CLNK: variants seen among roughly 807,000 people sequenced by gnomAD.
CLNK encodes the protein cytokine dependent hematopoietic cell linker.
Under a neutral mutation model 68.6 loss-of-function variants are expected in CLNK, and 74 were observed. The observed-to-expected ratio is 1.08, with a 90% confidence interval of 0.89 to 1.31. The LOEUF (loss-of-function observed/expected upper bound fraction) is 1.31, where lower values mean the gene tolerates loss of function less well. CLNK is among the 50% of genes most tolerant of loss of function. The pLI is 0.00. For missense variants in CLNK, 553 were observed against 515.3 expected (o/e 1.07, Z -0.71); for synonymous variants, 198 against 172.2 (o/e 1.15, Z -1.17).
At chr4:10,718,729 A>G in the CLNK span, among the ~76,000 whole-genome samples, 1 of 152,156 alleles carries the variant, frequency 6.6e-6, no homozygotes, top group Non-Finnish European at 1.5e-5. Flanking sequence ...AAAGAAAGAA[A>G]TAACACAGTA....
rs190012849 is a variant in CLNK, at chr4:10,598,078, G to T, written c.12-29C>A. ...GGATGAAAGAAAATAAATTATAGCT[G>T]GGAAATAGCAAGAAGCTAGGGGAAA... On this transcript the variant is annotated intron_variant, in intron 2 of 18. Transcript: ENST00000226951. 14 of 1,464,544 alleles carry T rather than the reference G, an allele frequency of 9.6e-6. No homozygotes were observed. The East Asian group carries it at 2.6e-4, about 27-fold the overall frequency. 90.7% of individuals were successfully genotyped at this position (1,464,544 alleles called of 1,614,324 possible).
At chr4:10,709,099 C>T in the CLNK span, among the ~76,000 whole-genome samples, 1 of 152,140 alleles carries the variant, frequency 6.6e-6, no homozygotes, top group African/African-American at 2.4e-5. Context: ...CTATGATTTG[C>T]AGATAGTGGT....
At chr4:10,505,987 T>G (rs929524709) in intron 17 of CLNK, among the ~76,000 whole-genome samples, 1 of 152,228 alleles carries the variant, frequency 6.6e-6, no homozygotes, top group Non-Finnish European at 1.5e-5. Context: ...ATTCACTAAC[T>G]AATTCATTCA....
At chr4:10,522,866 A>G (rs1718138170) in intron 14 of CLNK, among the ~76,000 whole-genome samples, 1 of 152,240 alleles carries the variant, frequency 6.6e-6, no homozygotes, top group African/African-American at 2.4e-5. Context: ...CTGTGGGAGA[A>G]AGATGAACCG....
chr4:10,710,759 C>T, the CLNK span, among the ~76,000 whole-genome samples: 1 of 152,184 alleles, frequency 6.6e-6, no homozygotes, highest in Non-Finnish European at 1.5e-5. Flanking sequence ...ACAGACATTA[C>T]CTGTTCATGC....
intron 2 of CLNK, among the ~76,000 whole-genome samples, chr4:10,633,335 T>C (rs537590124): frequency 3.9e-5 from 6 of 152,352 alleles, no homozygotes; most frequent in African/African-American, 9.6e-5. Flanking sequence ...GACAGCGTTA[T>C]TCTTTGTGCA....
At chr4:10,613,248 G>C (rs1257319613) in intron 2 of CLNK, among the ~76,000 whole-genome samples, 1 of 152,154 alleles carries the variant, frequency 6.6e-6, no homozygotes, top group Non-Finnish European at 1.5e-5. Flanking sequence ...TCAGAGTGCT[G>C]GGTGGGGTGG....
chr4:10,561,729 C>T (rs939914219), intron 7 of CLNK, among the ~76,000 whole-genome samples: 1 of 152,120 alleles, frequency 6.6e-6, no homozygotes, highest in African/African-American at 2.4e-5. Flanking sequence ...TGGGGGACTA[C>T]CCTAGATGCA....
chr4:10,514,190 A>T (rs947649065), intron 15 of CLNK, among the ~76,000 whole-genome samples: 7 of 141,818 alleles, frequency 4.9e-5, no homozygotes, highest in Admixed American at 2.2e-4. Context: ...ACATGAACTC[A>T]TCATTTTTTA....
chr4:10,515,378 T>C (rs1372748365), intron 15 of CLNK, among the ~76,000 whole-genome samples: 2 of 152,242 alleles, frequency 1.3e-5, no homozygotes, highest in Non-Finnish European at 2.9e-5. Flanking sequence ...TTGTCTACTC[T>C]GTTCTGTGTG....
At chr4:10,695,983 G>A in the CLNK span, among the ~76,000 whole-genome samples, 1 of 151,902 alleles carries the variant, frequency 6.6e-6, no homozygotes, top group Non-Finnish European at 1.5e-5. Context: ...AGCCTCCCGA[G>A]TAGCTGGGAT....
rs192576676 is a variant in CLNK, at chr4:10,500,646, C to T, written c.1140+610G>A. 2.0e-3 allele frequency among the ~76,000 whole-genome samples: 296 copies of T among 148,864 alleles called. 1 individual carries two copies. The highest frequency in any genetic ancestry group is 6.8e-3 in the African/African-American group (274 of 40,028). On this transcript the variant is annotated intron_variant, in intron 18 of 18. Coordinates refer to ENST00000226951, the MANE Select transcript of CLNK (RefSeq NM_052964.4). ...AGTGAGCCGAGATCTGTACTCTGGC[C>T]TGGGTGACAGAGTGCGTCTCTGTCT...
the CLNK span, among the ~76,000 whole-genome samples, chr4:10,731,526 T>A: frequency 6.6e-6 from 1 of 152,238 alleles, no homozygotes; most frequent in African/African-American, 2.4e-5. Flanking sequence ...AAAGACAGAT[T>A]CTTCCTAAGA....
Position 10,513,568 on chromosome 4 carries a change from G to T in CLNK, c.802C>A (p.Pro268Thr). 1 of 1,607,056 alleles carries T rather than the reference G, an allele frequency of 6.2e-7. No homozygotes were observed. Among genetic ancestry groups the T allele is most frequent in the Non-Finnish European group, 8.5e-7 (1 of 1,176,566 alleles). The change falls in exon 16 of 19, where the codon CCT becomes ACT. Residue 268 changes from proline to threonine, a missense_variant. Pro to Thr is a conservative substitution (Grantham distance 38). Transcript: ENST00000226951. ...CTGGCTGGAGGCTGGCATCTCTGAG[G>T]AGAACAGGGCTGCATGCCTCCTCTA... ...DHRGGMQPCS[P>T]QRCQPPASCS...
At chr4:10,637,898 C>T (rs777161855) in intron 2 of CLNK, among the ~76,000 whole-genome samples, 17 of 151,936 alleles carry the variant, frequency 1.1e-4, no homozygotes, top group South Asian at 4.2e-4. Flanking sequence ...CATCATTCTG[C>T]GCCCGGCCCA....
intron 17 of CLNK, among the ~76,000 whole-genome samples, 160 bp from the exon 18 acceptor site, chr4:10,501,571 T>C (rs188658813): frequency 6.6e-6 from 1 of 152,360 alleles, no homozygotes; most frequent in East Asian, 1.9e-4. Context: ...TCTGTATGCC[T>C]AAGGGTTCTT....
rs146259130 is a variant in CLNK at position 10,590,347 on chromosome 4, G to A, written c.84-5392C>T. Among the ~76,000 whole-genome samples, 569 of 152,340 alleles carry A rather than the reference G, an allele frequency of 3.7e-3. 2 individuals carry two copies. Among genetic ancestry groups the A allele is most frequent in the African/African-American group, 0.013 (530 of 41,564 alleles). ...GGCTTTGATGAAGTAGACAGGGCAT[G>A]CTTGCCTTCTACTTATCCATGGGAA... On this transcript the variant is annotated intron_variant, in intron 3 of 18. Coordinates refer to ENST00000226951, the MANE Select transcript of CLNK (RefSeq NM_052964.4).
chr4:10,702,982 G>A, the CLNK span, among the ~76,000 whole-genome samples: 255 of 152,296 alleles, frequency 1.7e-3, no homozygotes, highest in South Asian at 3.5e-3. Flanking sequence ...AGACGAAGAG[G>A]AACTCCAGTG....
intron 2 of CLNK, among the ~76,000 whole-genome samples, chr4:10,601,981 A>C (rs1721605318): frequency 6.6e-6 from 1 of 152,202 alleles, no homozygotes; most frequent in Non-Finnish European, 1.5e-5. Context: ...TGGGCCAACC[A>C]AATAATTGTT....
Sources: gnomAD v4.1 joint callset for allele counts (sites outside exome capture counted in the v4.1 genomes callset) on GRCh38, gnomAD v4.1.1 for gene constraint, MANE v1.5 for transcripts, NCBI Gene and HGNC (gene_info 2026-07-23, HGNC 2026-07-21) for gene names.